The following VRK2 variants were observed in gnomAD, a reference collection of about 807,000 sequenced individuals.
The protein encoded by VRK2 is VRK serine/threonine kinase 2, also known as serine/threonine-protein kinase VRK2.
VRK2 carries 60 observed loss-of-function variants against 57.6 expected under a neutral mutation model. The ratio of observed to expected loss-of-function variants is 1.04; its 90% confidence interval spans 0.85 to 1.29. The LOEUF (loss-of-function observed/expected upper bound fraction) is 1.29, where lower values mean the gene tolerates loss of function less well. VRK2 is among the 50% of genes most tolerant of loss of function. The pLI is 0.00. For synonymous variants in VRK2, 231 were observed against 199.2 expected, an observed-to-expected ratio of 1.16 and a Z score of -1.35; for missense variants, 705 against 588.1, an observed-to-expected ratio of 1.20 and a Z score of -2.06.
intron 1 of VRK2, among the ~76,000 whole-genome samples, chr2:57,945,584 C>T (rs1022330536): frequency 3.3e-5 from 5 of 152,146 alleles, no homozygotes; most frequent in African/African-American, 1.2e-4. Flanking sequence ...ACCTAGTCCT[C>T]TTCATGGTTT....
At chr2:58,083,658 C>T (rs1482974535) in intron 2 of VRK2, among the ~76,000 whole-genome samples, 1 of 151,746 alleles carries the variant, frequency 6.6e-6, no homozygotes, top group Non-Finnish European at 1.5e-5. Flanking sequence ...ATTTCTGAAT[C>T]ATTATGAGTT....
chr2:58,026,702 T>C (rs1019015208), intron 2 of VRK2: 1 of 152,102 alleles, frequency 6.6e-6, no homozygotes, highest in African/African-American at 2.4e-5. Context: ...CTATAAACTT[T>C]AGCAGTTTTT....
chr2:57,974,979 A>G (rs1672205056), intron 1 of VRK2, among the ~76,000 whole-genome samples: 1 of 151,132 alleles, frequency 6.6e-6, no homozygotes, highest in African/African-American at 2.4e-5. Context: ...ACAAATTGAT[A>G]AAGATAATTT....
chr2:58,107,409 G>C (rs187106650), intron 7 of VRK2, among the ~76,000 whole-genome samples: 10 of 151,858 alleles, frequency 6.6e-5, no homozygotes, highest in African/African-American at 2.4e-4. Flanking sequence ...CTCTCTTTAC[G>C]CATGATATTT....
chr2:57,965,314 A>G (rs1671884370), intron 1 of VRK2, among the ~76,000 whole-genome samples: 2 of 152,244 alleles, frequency 1.3e-5, no homozygotes, highest in Non-Finnish European at 2.9e-5. Context: ...GAAAATAGCT[A>G]AATCTGTTAT....
chr2:57,999,931 G>A (rs992825244), intron 1 of VRK2, among the ~76,000 whole-genome samples: 2 of 151,952 alleles, frequency 1.3e-5, no homozygotes, highest in African/African-American at 2.4e-5. Context: ...TCATCTTGAG[G>A]CCAGGAGTTT....
chr2:57,994,959 G>A (rs1454940737), intron 1 of VRK2, among the ~76,000 whole-genome samples: 1 of 152,058 alleles, frequency 6.6e-6, no homozygotes, highest in Non-Finnish European at 1.5e-5. Context: ...TCAATTTGTT[G>A]TGATATCTTC....
At chr2:57,997,732 G>A (rs1056590358) in intron 1 of VRK2, among the ~76,000 whole-genome samples, 6 of 151,808 alleles carry the variant, frequency 4.0e-5, no homozygotes, top group Non-Finnish European at 5.9e-5. Context: ...GTGAAACACC[G>A]TCTCTACAAA....
In VRK2 at chr2:58,158,762, A is replaced by ATTTG. The variant is rs1684448051; in HGVS notation, c.1183-583_1183-580dup. Among the ~76,000 whole-genome samples, 3 of 152,222 alleles carry ATTTG rather than the reference A, an allele frequency of 2.0e-5. No homozygotes were observed. In the South Asian group the frequency reaches 6.2e-4, roughly 32 times the overall value. ...CGAAACTTGCATAAGTAACCAGTTA[A>ATTTG]TTTGTTTTATATTAATACCACTTAA... On this transcript the variant is annotated intron_variant, in intron 12 of 12. Transcript: ENST00000340157.
chr2:58,041,073 G>C (rs1047519065), intron 3 of VRK2: 18 of 984,952 alleles, frequency 1.8e-5, no homozygotes, highest in Non-Finnish European at 2.2e-5. Flanking sequence ...TGTTAACTGG[G>C]GGGGAAAAAG....
chr2:57,980,430 T>C (rs1180027967), intron 1 of VRK2, among the ~76,000 whole-genome samples: 1 of 152,230 alleles, frequency 6.6e-6, no homozygotes, highest in African/African-American at 2.4e-5. Flanking sequence ...TTTTTGAATT[T>C]GTTGAGAATT....
Position 58,084,115 on chromosome 2 carries a change from G to C in VRK2, c.163G>C (p.Asp55His). 1 of 1,606,642 alleles carries C rather than the reference G, an allele frequency of 6.2e-7. No homozygotes were observed. The highest frequency in any genetic ancestry group is 8.5e-7 in the Non-Finnish European group (1 of 1,175,546). Residue 55 changes from aspartate to histidine, a missense_variant, in exon 3 of 13, where the codon GAT becomes CAT. Asp to His is a moderately conservative substitution (Grantham distance 81, BLOSUM62 -1). Transcript: ENST00000340157. Reference sequence around the variant, plus strand: ...TTTCCCCACAAATAAACCAGAGAAAGATGCAAGACATGTAGTAAAAGTGGT... The same window carrying C: ...TTTCCCCACAAATAAACCAGAGAAACATGCAAGACATGTAGTAAAAGTGGT... ...LAFPTNKPEK[D>H]ARHVVKVEYQ...
At chr2:57,968,353 A>G (rs563074293) in intron 1 of VRK2, among the ~76,000 whole-genome samples, 2 of 152,082 alleles carry the variant, frequency 1.3e-5, no homozygotes, top group East Asian at 1.9e-4. Context: ...CATCTCTCTC[A>G]TCCAAGAAAA....
chr2:57,929,729 G>A (rs545192679), intron 1 of VRK2, among the ~76,000 whole-genome samples: 7 of 152,244 alleles, frequency 4.6e-5, no homozygotes, highest in South Asian at 2.1e-4. Flanking sequence ...TACTGCCTGG[G>A]TGTCATTGCT....
intron 1 of VRK2, among the ~76,000 whole-genome samples, chr2:57,925,236 G>A (rs1670492486): frequency 6.6e-6 from 1 of 151,994 alleles, no homozygotes; most frequent in African/African-American, 2.4e-5. Context: ...GTGTTTGAAA[G>A]TATTCCCTCC....
At chr2:58,089,338 A>G (rs1573031975) in intron 6 of VRK2, among the ~76,000 whole-genome samples, 1 of 152,222 alleles carries the variant, frequency 6.6e-6, no homozygotes, top group African/African-American at 2.4e-5. Context: ...CTCTTTGTGC[A>G]GTGCGGTTTG....
chr2:57,910,101 T>C lies in VRK2; in HGVS notation c.-439+2262T>C, dbSNP rs557421198. 4.0e-5 allele frequency among the ~76,000 whole-genome samples: 6 copies of C among 149,028 alleles called. No individual in the cohort carries two copies. In the South Asian group the frequency reaches 8.5e-4, roughly 21 times the overall value. ...AACCCATACTACTTAAAACCATGAATGAAGATAGAGGAAAAAAAAAAAAAA... is the reference window on the plus strand; with the variant it reads ...AACCCATACTACTTAAAACCATGAACGAAGATAGAGGAAAAAAAAAAAAAA... On this transcript the variant is annotated intron_variant, in intron 1 of 15. Transcript: ENST00000417641.
intron 3 of VRK2, among the ~76,000 whole-genome samples, chr2:58,036,663 T>G (rs1004089840): frequency 6.6e-6 from 1 of 151,898 alleles, no homozygotes; most frequent in Non-Finnish European, 1.5e-5. Flanking sequence ...CAAAAAAATA[T>G]GGTGTTGGCT....
intron 3 of VRK2, among the ~76,000 whole-genome samples, chr2:58,038,103 G>C (rs1377654977): frequency 6.6e-6 from 1 of 152,084 alleles, no homozygotes; most frequent in Non-Finnish European, 1.5e-5. Context: ...ATATGGTTTG[G>C]CTCTGTGTCC....
Sources: allele counts gnomAD v4.1 joint callset (sites outside exome capture counted in the v4.1 genomes callset), GRCh38; gene constraint gnomAD v4.1.1; transcripts MANE v1.5; gene names NCBI Gene and HGNC (gene_info 2026-07-23, HGNC 2026-07-21).